FSTL4: variants seen among roughly 807,000 people sequenced by gnomAD.
FSTL4 encodes follistatin-related protein 4.
In FSTL4, 28 loss-of-function variants were observed where a neutral mutation model predicts 78.2. That is an observed-to-expected ratio of 0.36 (90% CI 0.27 to 0.49). The LOEUF is 0.49. Ranked by LOEUF, FSTL4 falls within the 20% of genes least tolerant of loss-of-function variation. The pLI is 0.98. For missense variants in FSTL4, 922 were observed against 1,084.9 expected (o/e 0.85, Z 2.11); for synonymous variants, 422 against 440.5 (o/e 0.96, Z 0.53).
chr5:133,285,212 AAAG>A (rs755917385), intron 6 of FSTL4, among the ~76,000 whole-genome samples: 21 of 152,248 alleles, frequency 1.4e-4, no homozygotes, highest in Admixed American at 3.3e-4. Flanking sequence ...GCACTGTTTG[AAAG>A]AAGAGAGAGA....
chr5:133,731,780 G>A, the FSTL4 span, among the ~76,000 whole-genome samples: 28 of 152,302 alleles, frequency 1.8e-4, no homozygotes, highest in Admixed American at 1.2e-3. Flanking sequence ...GCTGCTGACC[G>A]GAGAGGAAGC....
the FSTL4 span, among the ~76,000 whole-genome samples, chr5:133,819,788 A>G: frequency 4.6e-5 from 7 of 152,230 alleles, 1 homozygote; most frequent in African/African-American, 1.7e-4. Flanking sequence ...GCACATAAAG[A>G]ATATTCAGGC....
At chr5:133,405,378 A>G (rs180742684) in intron 3 of FSTL4, among the ~76,000 whole-genome samples, 11 of 152,356 alleles carry the variant, frequency 7.2e-5, no homozygotes, top group Admixed American at 6.5e-4. Flanking sequence ...ACCCTGGCCC[A>G]GTACAGCAGC....
the FSTL4 span, among the ~76,000 whole-genome samples, chr5:133,789,642 C>A: frequency 6.6e-6 from 1 of 152,184 alleles, no homozygotes; most frequent in Admixed American, 6.5e-5. Flanking sequence ...AAAGTACCAC[C>A]GACTGGGTGG....
At chr5:133,767,381 G>A in the FSTL4 span, among the ~76,000 whole-genome samples, 2 of 152,160 alleles carry the variant, frequency 1.3e-5, no homozygotes. Flanking sequence ...TGCAGATATT[G>A]GCACCTGGAA....
intron 4 of FSTL4, among the ~76,000 whole-genome samples, chr5:133,357,094 G>A (rs1754959070): frequency 6.6e-6 from 1 of 152,238 alleles, no homozygotes; most frequent in African/African-American, 2.4e-5. Context: ...CAGACCCCGG[G>A]CAGGGACCAA....
intron 3 of FSTL4, among the ~76,000 whole-genome samples, chr5:133,474,431 G>C (rs1376716680): frequency 2.0e-5 from 3 of 152,202 alleles, no homozygotes; most frequent in Admixed American, 1.3e-4. Context: ...GTGAAGGAGT[G>C]TCCCTAGCTC....
intron 4 of FSTL4, among the ~76,000 whole-genome samples, chr5:133,342,395 AG>A (rs1433780582): frequency 6.6e-6 from 1 of 152,180 alleles, no homozygotes; most frequent in East Asian, 1.9e-4. Flanking sequence ...TGCCAAAGCA[AG>A]GAAGTGGAAA....
chr5:133,577,141 C>T (rs1032080293), intron 2 of FSTL4, among the ~76,000 whole-genome samples: 3 of 152,168 alleles, frequency 2.0e-5, no homozygotes, highest in Non-Finnish European at 4.4e-5. Flanking sequence ...CTCAGCACAC[C>T]ATGTCTGGGT....
intron 3 of FSTL4, among the ~76,000 whole-genome samples, chr5:133,413,040 TTTC>T (rs1437646455): frequency 6.6e-6 from 1 of 152,156 alleles, no homozygotes; most frequent in Non-Finnish European, 1.5e-5. Context: ...TCACCCTGAT[TTTC>T]TTCTTCTGCT....
chr5:133,654,801 C>T, the FSTL4 span, among the ~76,000 whole-genome samples: 13 of 152,312 alleles, frequency 8.5e-5, no homozygotes, highest in South Asian at 6.2e-4. Flanking sequence ...CAGGGATCCA[C>T]GAGTTCAGGT....
the FSTL4 span, among the ~76,000 whole-genome samples, chr5:133,740,689 A>C: frequency 2.0e-5 from 3 of 152,160 alleles, no homozygotes; most frequent in Non-Finnish European, 4.4e-5. Flanking sequence ...GCCAGTGGCC[A>C]GGGGCAGGTG....
the FSTL4 span, among the ~76,000 whole-genome samples, chr5:133,763,304 C>T: frequency 6.6e-6 from 1 of 152,342 alleles, no homozygotes; most frequent in Non-Finnish European, 1.5e-5. Context: ...AGCCAGTCTT[C>T]TCATCTCAGC....
intron 3 of FSTL4, among the ~76,000 whole-genome samples, chr5:133,429,428 T>C (rs1355295521): frequency 6.6e-6 from 1 of 152,116 alleles, no homozygotes; most frequent in East Asian, 1.9e-4. Context: ...ATGAGGATTC[T>C]ACCCCAGGAC....
chr5:133,200,033 C>A (rs775568355), intron 15 of FSTL4, among the ~76,000 whole-genome samples: 1 of 152,166 alleles, frequency 6.6e-6, no homozygotes, highest in Non-Finnish European at 1.5e-5. Context: ...TTGTAACATG[C>A]ACTCATCGTT....
chr5:133,725,704 G>A, the FSTL4 span, among the ~76,000 whole-genome samples: 5 of 152,176 alleles, frequency 3.3e-5, no homozygotes, highest in Non-Finnish European at 5.9e-5. Context: ...ATAAGGGGTT[G>A]TTATTAATAA....
At chr5:133,503,929 C>A (rs772311868) in intron 3 of FSTL4, among the ~76,000 whole-genome samples, 1 of 152,168 alleles carries the variant, frequency 6.6e-6, no homozygotes, top group Non-Finnish European at 1.5e-5. Context: ...AACTTACGAT[C>A]ATGGCAGAAG....
chr5:133,242,372 G>A (rs1020939203), intron 7 of FSTL4, among the ~76,000 whole-genome samples: 1 of 152,188 alleles, frequency 6.6e-6, no homozygotes, highest in Non-Finnish European at 1.5e-5. Context: ...GCCTCTGTAG[G>A]GAGGCAGTGA....
upstream of FSTL4, among the ~76,000 whole-genome samples, chr5:133,613,384 G>A (rs1257404970): frequency 6.6e-6 from 1 of 152,168 alleles, no homozygotes; most frequent in Non-Finnish European, 1.5e-5. Context: ...CTGGCTGCGT[G>A]GGCACCAGGG....
Sources: gnomAD v4.1 joint callset for allele counts (sites outside exome capture counted in the v4.1 genomes callset) on GRCh38, gnomAD v4.1.1 for gene constraint, MANE v1.5 for transcripts, NCBI Gene and HGNC (gene_info 2026-07-23, HGNC 2026-07-21) for gene names.